The following TMEM74 variants were observed in gnomAD, a reference collection of about 807,000 sequenced individuals.
TMEM74 encodes the protein transmembrane protein 74.
In TMEM74, 13 loss-of-function variants were observed where a neutral mutation model predicts 18.1. That is an observed-to-expected ratio of 0.72 (90% confidence interval 0.47 to 1.14). The LOEUF (loss-of-function observed/expected upper bound fraction) is 1.14. TMEM74 is among the 50% of genes most tolerant of loss of function. TMEM74 has a pLI of 0.00. For synonymous variants in TMEM74, 159 were observed against 146.6 expected (o/e 1.08, Z -0.61); for missense variants, 372 against 375.9 (o/e 0.99, Z 0.09).
At chr8:108,670,291 T>G (rs1812991283) in intron 1 of TMEM74, among the ~76,000 whole-genome samples, 1 of 152,322 alleles carries the variant, frequency 6.6e-6, no homozygotes, top group Non-Finnish European at 1.5e-5. Context: ...TTCAATATTT[T>G]TACTTCAGAA....
At chr8:108,754,115 T>A (rs11775248) in intron 1 of TMEM74, among the ~76,000 whole-genome samples, 2,841 of 152,198 alleles carry the variant, frequency 0.019, 43 homozygotes, top group Non-Finnish European at 0.033. Flanking sequence ...CATCTTTAAA[T>A]TATCATAATC....
At chr8:108,713,318 T>C (rs1258785459) in intron 1 of TMEM74, among the ~76,000 whole-genome samples, 1 of 151,982 alleles carries the variant, frequency 6.6e-6, no homozygotes, top group Admixed American at 6.6e-5. Flanking sequence ...AATAATGAGA[T>C]AGAAAAGGAG....
intron 2 of TMEM74, among the ~76,000 whole-genome samples, chr8:108,611,408 G>A (rs991533053): frequency 2.6e-4 from 40 of 152,180 alleles, no homozygotes; most frequent in African/African-American, 8.4e-4. Flanking sequence ...GGAATAAAGT[G>A]TTTCTGACCT....
At chr8:108,688,297 T>C (rs780609373) in intron 1 of TMEM74, among the ~76,000 whole-genome samples, 1 of 152,222 alleles carries the variant, frequency 6.6e-6, no homozygotes, top group African/African-American at 2.4e-5. Context: ...TTTAATATCC[T>C]TATTTTCTTC....
chr8:108,637,147 A>G (rs1379717040), intron 2 of TMEM74, among the ~76,000 whole-genome samples: 2 of 152,150 alleles, frequency 1.3e-5, no homozygotes, highest in Non-Finnish European at 2.9e-5. Flanking sequence ...GTTAGTCTAT[A>G]TTCCAGATGC....
intron 1 of TMEM74, among the ~76,000 whole-genome samples, chr8:108,759,376 A>T (rs1233369624): frequency 1.3e-5 from 2 of 152,154 alleles, no homozygotes. Flanking sequence ...CCTATTATTC[A>T]TCAATTATAT....
At chr8:108,615,372 C>T (rs1029022762) in intron 2 of TMEM74, among the ~76,000 whole-genome samples, 5 of 152,260 alleles carry the variant, frequency 3.3e-5, no homozygotes, top group African/African-American at 1.2e-4. Flanking sequence ...AGGAAATTTC[C>T]CTCATAGAAA....
chr8:108,753,522 C>T (rs1468744049), intron 1 of TMEM74, among the ~76,000 whole-genome samples: 1 of 151,990 alleles, frequency 6.6e-6, no homozygotes, highest in Non-Finnish European at 1.5e-5. Flanking sequence ...TTAGGTGTTT[C>T]TTATTTGAAA....
intron 1 of TMEM74, among the ~76,000 whole-genome samples, chr8:108,727,002 A>G (rs1444492545): frequency 1.3e-5 from 2 of 152,146 alleles, no homozygotes; most frequent in East Asian, 3.9e-4. Flanking sequence ...ACAAATAGGC[A>G]ATTGGGGGAA....
At chr8:108,726,450 T>G (rs760236878) in intron 1 of TMEM74, among the ~76,000 whole-genome samples, 3 of 152,204 alleles carry the variant, frequency 2.0e-5, no homozygotes, top group Non-Finnish European at 4.4e-5. Flanking sequence ...ATTTTGTAGA[T>G]AGAAGAAACT....
intron 2 of TMEM74, among the ~76,000 whole-genome samples, chr8:108,641,586 T>C: frequency 6.6e-6 from 1 of 152,160 alleles, no homozygotes. Flanking sequence ...TTGCCCATAA[T>C]TCTGCATGGG....
At position 108,611,882 on chromosome 8, in the gene TMEM74, G is replaced by T. The variant is rs1443837003; in HGVS notation, n.265-3056C>A. 1.1e-4 allele frequency among the ~76,000 whole-genome samples: 17 copies of T among 152,176 alleles called. 1 individual carries two copies. The highest frequency in any genetic ancestry group is 5.9e-5 in the Non-Finnish European group (4 of 68,028). ...ACTGGGTAATTTATAAAGAAAAGAG[G>T]TTGAATTGACTCACAGTTCTGCATG... On this transcript the variant is annotated intron_variant and non_coding_transcript_variant, in intron 2 of 3. Coordinates refer to the TMEM74 transcript ENST00000518838.
In TMEM74 at chr8:108,672,592, T is replaced by C. The variant is rs558221795; in HGVS notation, n.120-17155A>G. ...AATCTATAAAGGGCTGTTTGTTCTG[T>C]GTGAAACTCACTCAGGATGGAGCCC... On this transcript the variant is annotated intron_variant and non_coding_transcript_variant, in intron 1 of 3. Coordinates refer to the TMEM74 transcript ENST00000518838. 5.3e-5 allele frequency among the ~76,000 whole-genome samples: 8 copies of C among 152,292 alleles called. No individual in the cohort carries two copies. The South Asian group carries it at 1.5e-3, about 28-fold the overall frequency.
At chr8:108,759,892 C>T (rs888375488) in intron 1 of TMEM74, among the ~76,000 whole-genome samples, 3 of 152,032 alleles carry the variant, frequency 2.0e-5, no homozygotes, top group East Asian at 3.9e-4. Flanking sequence ...ACAGTTCAGT[C>T]GTCTAATATG....
intron 1 of TMEM74, among the ~76,000 whole-genome samples, chr8:108,737,038 G>T (rs1037743484): frequency 1.3e-5 from 2 of 152,058 alleles, no homozygotes; most frequent in African/African-American, 4.8e-5. Flanking sequence ...AGGAACACCA[G>T]CAATTTATTA....
chr8:108,762,140 A>G (rs961572292), intron 1 of TMEM74, among the ~76,000 whole-genome samples: 2 of 152,196 alleles, frequency 1.3e-5, no homozygotes, highest in African/African-American at 4.8e-5. Flanking sequence ...ACTGTGCTTC[A>G]TGAATGAAAG....
chr8:108,777,259 A>G (rs572054795), downstream of TMEM74, among the ~76,000 whole-genome samples: 45 of 152,312 alleles, frequency 3.0e-4, no homozygotes, highest in African/African-American at 1.0e-3. Context: ...GATACTGCAC[A>G]TGAACGCAGA....
chr8:108,749,351 T>A (rs532589052), intron 1 of TMEM74, among the ~76,000 whole-genome samples: 101 of 152,332 alleles, frequency 6.6e-4, no homozygotes, highest in Middle Eastern at 3.4e-3. Context: ...GTAGTTCTCC[T>A]TGAAGAGGTC....
rs2935798 is a variant in TMEM74 at position 108,701,832 on chromosome 8, A to G, written n.120-46395T>C. On this transcript the variant is annotated intron_variant and non_coding_transcript_variant, in intron 1 of 3. Coordinates refer to the TMEM74 transcript ENST00000518838. ...ATTGTCAAGATGTCTTTTCTCCCCA[A>G]ATTGATCTATAGATTCAATGCAATC... Among the ~76,000 whole-genome samples, 461 of 152,130 alleles carry G rather than the reference A, an allele frequency of 3.0e-3. 2 individuals are homozygous for G. The highest frequency in any genetic ancestry group is 0.011 in the African/African-American group (436 of 41,520).
Sources: allele counts gnomAD v4.1 joint callset (sites outside exome capture counted in the v4.1 genomes callset), GRCh38; gene constraint gnomAD v4.1.1; transcripts MANE v1.5; gene names NCBI Gene and HGNC (gene_info 2026-07-23, HGNC 2026-07-21).